Variants in PRR5L observed in about 807,000 individuals in gnomAD.
PRR5L encodes the protein proline rich 5 like.
Under a neutral mutation model 36.4 loss-of-function variants are expected in PRR5L, and 21 were observed. The ratio of observed to expected loss-of-function variants is 0.58; its 90% CI spans 0.41 to 0.83. PRR5L has a LOEUF of 0.83. Among genes scored for constraint, PRR5L ranks in the 40% least tolerant of loss-of-function variants. PRR5L has a pLI of 0.00. For missense variants in PRR5L, 381 were observed against 473.3 expected (o/e 0.80, Z 1.81); for synonymous variants, 188 against 197.0 (o/e 0.95, Z 0.38).
chr11:36,440,535 A>G (rs1042551785), intron 6 of PRR5L, among the ~76,000 whole-genome samples: 1 of 152,190 alleles, frequency 6.6e-6, no homozygotes, highest in African/African-American at 2.4e-5. Context: ...CAGGTATTTC[A>G]TATGAAGAAA....
chr11:36,430,778 C>T (rs1858476715), intron 4 of PRR5L, among the ~76,000 whole-genome samples: 1 of 152,166 alleles, frequency 6.6e-6, no homozygotes, highest in South Asian at 2.1e-4. Context: ...GAGCTTGGGA[C>T]TCAGGGAAAT....
intron 1 of PRR5L, among the ~76,000 whole-genome samples, chr11:36,337,843 A>G (rs966517615): frequency 6.6e-6 from 1 of 152,264 alleles, no homozygotes; most frequent in African/African-American, 2.4e-5. Flanking sequence ...ATCCAAAATA[A>G]TAATGGCTTA....
chr11:36,394,941 C>T (rs933842857), intron 1 of PRR5L, among the ~76,000 whole-genome samples: 4 of 152,190 alleles, frequency 2.6e-5, no homozygotes, highest in African/African-American at 9.7e-5. Flanking sequence ...GCCCCCAGAG[C>T]TCTGAGTGAT....
chr11:36,376,988 T>C (rs1359346258), intron 1 of PRR5L, among the ~76,000 whole-genome samples: 1 of 151,996 alleles, frequency 6.6e-6, no homozygotes, highest in Non-Finnish European at 1.5e-5. Flanking sequence ...TTTAGGGTGG[T>C]TGAAGTACCG....
chr11:36,373,055 C>T (rs1019473676), intron 1 of PRR5L, among the ~76,000 whole-genome samples: 1 of 151,274 alleles, frequency 6.6e-6, no homozygotes, highest in African/African-American at 2.4e-5. Flanking sequence ...CTTTTTGGGG[C>T]CAAAATTTTC....
chr11:36,398,573 G>A (rs1857719310), intron 1 of PRR5L: 1 of 152,278 alleles, frequency 6.6e-6, no homozygotes, highest in African/African-American at 2.4e-5. Context: ...GCGGATTCGG[G>A]AGGAGAAAAA....
At chr11:36,308,306 A>C (rs957952906) in intron 1 of PRR5L, among the ~76,000 whole-genome samples, 1 of 152,222 alleles carries the variant, frequency 6.6e-6, no homozygotes, top group Non-Finnish European at 1.5e-5. Flanking sequence ...GGAGAATATA[A>C]GTCGTCCACA....
chr11:36,403,508 C>A, intron 3 of PRR5L, 130 bp downstream of exon 3: 1 of 638,136 alleles, frequency 1.6e-6, no homozygotes, highest in South Asian at 2.0e-5. Context: ...CTTCTTCTGT[C>A]AGCTATGCTG....
At chr11:36,358,503 G>A (rs1341828658) in intron 1 of PRR5L, among the ~76,000 whole-genome samples, 1 of 152,136 alleles carries the variant, frequency 6.6e-6, no homozygotes, top group Non-Finnish European at 1.5e-5. Flanking sequence ...CATTTTTTAG[G>A]CACAATGCTA....
chr11:36,393,337 C>T (rs577620256), intron 1 of PRR5L, among the ~76,000 whole-genome samples: 2 of 152,138 alleles, frequency 1.3e-5, no homozygotes, highest in South Asian at 2.1e-4. Flanking sequence ...AGTCTTTAAC[C>T]TATTTTGGTT....
At chr11:36,360,076 CA>C (rs1208754906) in intron 1 of PRR5L, among the ~76,000 whole-genome samples, 330 of 7,698 alleles carry the variant, frequency 0.043, 1 homozygote, top group African/African-American at 0.13. Flanking sequence ...CACACACACC[CA>C]CACACACACA....
At chr11:36,348,865 G>A (rs923549178) in intron 1 of PRR5L, among the ~76,000 whole-genome samples, 2 of 152,112 alleles carry the variant, frequency 1.3e-5, no homozygotes, top group East Asian at 1.9e-4. Context: ...TAGCTAGCCC[G>A]TGACCACTCA....
chr11:36,317,303 G>A (rs1856567305), intron 1 of PRR5L, among the ~76,000 whole-genome samples: 2 of 152,204 alleles, frequency 1.3e-5, no homozygotes, highest in Admixed American at 1.3e-4. Context: ...TCTCAATTTA[G>A]CTGTGTGATC....
chr11:36,308,243 C>T lies in PRR5L; in HGVS notation c.-126+11805C>T, dbSNP rs188749819. On this transcript the variant is annotated intron_variant, in intron 1 of 8. Coordinates refer to ENST00000530639, the MANE Select transcript of PRR5L (RefSeq NM_001160167.2). ...CAGTAGCCTGTTTATAGCTGCTGTG[C>T]CATTCTGTGTCTTTGCCAAGACTTC... Among the ~76,000 whole-genome samples, 439 of 152,304 alleles carry T rather than the reference C, an allele frequency of 2.9e-3. 6 individuals are homozygous for T. Among genetic ancestry groups the T allele is most frequent in the African/African-American group, 9.9e-3 (412 of 41,560 alleles).
At chr11:36,392,575 A>G (rs903939505) in intron 1 of PRR5L, among the ~76,000 whole-genome samples, 1 of 152,184 alleles carries the variant, frequency 6.6e-6, no homozygotes, top group Admixed American at 6.5e-5. Context: ...TCAATGATGT[A>G]TTAGTCCATT....
intron 1 of PRR5L, among the ~76,000 whole-genome samples, chr11:36,339,294 A>T: frequency 6.6e-6 from 1 of 152,188 alleles, no homozygotes; most frequent in East Asian, 1.9e-4. Flanking sequence ...TGGTTTTGCC[A>T]TGTTGGCCAG....
intron 1 of PRR5L, among the ~76,000 whole-genome samples, chr11:36,335,449 T>C (rs1370292817): frequency 4.0e-5 from 6 of 151,872 alleles, no homozygotes; most frequent in Middle Eastern, 3.2e-3. Flanking sequence ...GTGAAATGAG[T>C]AAAGTTTGTG....
intron 1 of PRR5L, among the ~76,000 whole-genome samples, chr11:36,314,536 T>C (rs1246171674): frequency 6.6e-6 from 1 of 152,236 alleles, no homozygotes; most frequent in Non-Finnish European, 1.5e-5. Context: ...AAAGTCCCAC[T>C]TGGCTATGTT....
chr11:36,389,959 A>G (rs1857533725), intron 1 of PRR5L, among the ~76,000 whole-genome samples: 1 of 152,144 alleles, frequency 6.6e-6, no homozygotes, highest in African/African-American at 2.4e-5. Context: ...CCTCACACAC[A>G]GCTGGCTCAT....
Sources: allele counts gnomAD v4.1 joint callset (sites outside exome capture counted in the v4.1 genomes callset), GRCh38; gene constraint gnomAD v4.1.1; transcripts MANE v1.5; gene names NCBI Gene and HGNC (gene_info 2026-07-23, HGNC 2026-07-21).